The following NAALADL2 variants were observed in gnomAD, a reference collection of about 807,000 sequenced individuals.
NAALADL2 encodes inactive N-acetylated-alpha-linked acidic dipeptidase-like protein 2.
Under a neutral mutation model 87.2 loss-of-function variants are expected in NAALADL2, and 76 were observed. The ratio of observed to expected loss-of-function variants is 0.87; its 90% confidence interval spans 0.72 to 1.05. The LOEUF is 1.05. Ranked by LOEUF, NAALADL2 falls within the 50% of genes least tolerant of loss-of-function variation. NAALADL2 has a pLI of 0.00. For missense variants in NAALADL2, 1,089 were observed against 945.8 expected (o/e 1.15, Z -1.99); for synonymous variants, 354 against 331.0 (o/e 1.07, Z -0.75).
intron 1 of NAALADL2, among the ~76,000 whole-genome samples, chr3:174,909,919 A>G (rs1733478300): frequency 6.6e-6 from 1 of 152,262 alleles, no homozygotes; most frequent in Middle Eastern, 3.4e-3. Context: ...ATTTAACTAC[A>G]CAAGTTAAGT....
intron 1 of NAALADL2, among the ~76,000 whole-genome samples, chr3:174,986,239 A>G (rs1222194216): frequency 1.4e-5 from 2 of 148,000 alleles, no homozygotes; most frequent in Non-Finnish European, 3.0e-5. Context: ...AGATGTGTGT[A>G]TATATATATT....
chr3:175,742,211 C>G (rs943901305), intron 12 of NAALADL2, among the ~76,000 whole-genome samples: 3 of 152,120 alleles, frequency 2.0e-5, no homozygotes, highest in African/African-American at 7.2e-5. Context: ...AGGTATGTAG[C>G]TTGTTTTCAA....
At chr3:175,268,778 G>A (rs1752355425) in intron 4 of NAALADL2, among the ~76,000 whole-genome samples, 1 of 151,960 alleles carries the variant, frequency 6.6e-6, no homozygotes, top group Admixed American at 6.6e-5. Flanking sequence ...CCTACACAGG[G>A]TCTGGATCAG....
At chr3:174,755,145 T>C (rs1191021650) in intron 3 of NAALADL2, among the ~76,000 whole-genome samples, 1 of 152,194 alleles carries the variant, frequency 6.6e-6, no homozygotes, top group Non-Finnish European at 1.5e-5. Context: ...TGAGATCTGA[T>C]GTATTTATAA....
chr3:174,924,331 G>C (rs576176970), intron 1 of NAALADL2, among the ~76,000 whole-genome samples: 2 of 151,078 alleles, frequency 1.3e-5, no homozygotes, highest in African/African-American at 4.9e-5. Context: ...TTGTCCCTGT[G>C]ATAGTTTGCT....
At chr3:174,845,612 G>A (rs7644152) in intron 3 of NAALADL2, among the ~76,000 whole-genome samples, 49,074 of 152,052 alleles carry the variant, frequency 0.32, 8,097 homozygotes, top group East Asian at 0.48. Flanking sequence ...GGCTGGGTGT[G>A]TTCAGGCCAG....
intron 9 of NAALADL2, among the ~76,000 whole-genome samples, chr3:175,566,221 AT>A (rs1034506395): frequency 4.6e-5 from 7 of 152,176 alleles, no homozygotes; most frequent in Non-Finnish European, 7.4e-5. Flanking sequence ...TTCAGAGGGA[AT>A]TTTAAAAATG....
intron 3 of NAALADL2, among the ~76,000 whole-genome samples, chr3:175,247,609 A>G (rs1748222684): frequency 6.6e-6 from 1 of 152,146 alleles, no homozygotes; most frequent in African/African-American, 2.4e-5. Context: ...GAAAGTGGAG[A>G]GTAATAGGCA....
intron 11 of NAALADL2, among the ~76,000 whole-genome samples, chr3:175,697,724 C>A (rs929785643): frequency 2.0e-5 from 3 of 147,842 alleles, no homozygotes; most frequent in Admixed American, 6.8e-5. Flanking sequence ...ATTAAAAAAG[C>A]AAATTTATAT....
intron 10 of NAALADL2, among the ~76,000 whole-genome samples, chr3:175,620,196 T>G (rs1582654633): frequency 6.6e-6 from 1 of 152,186 alleles, no homozygotes; most frequent in Non-Finnish European, 1.5e-5. Context: ...CAGAAATCTC[T>G]GTGGCTGCTG....
intron 2 of NAALADL2, among the ~76,000 whole-genome samples, chr3:174,735,420 G>T (rs1733100500): frequency 6.6e-6 from 1 of 152,134 alleles, no homozygotes; most frequent in African/African-American, 2.4e-5. Context: ...AATTATCCAA[G>T]ACCATACAGG....
At chr3:175,682,683 G>C (rs1735750667) in intron 11 of NAALADL2, among the ~76,000 whole-genome samples, 1 of 151,896 alleles carries the variant, frequency 6.6e-6, no homozygotes, top group Non-Finnish European at 1.5e-5. Flanking sequence ...TTATTTTATA[G>C]TCAGTATTTG....
At chr3:174,922,064 T>G (rs1735307606) in intron 1 of NAALADL2, among the ~76,000 whole-genome samples, 2 of 151,938 alleles carry the variant, frequency 1.3e-5, no homozygotes, top group Admixed American at 1.3e-4. Context: ...CCCAGCAGTT[T>G]GGAGGCCAAG....
intron 12 of NAALADL2, 151 bp from the exon 13 acceptor site, chr3:175,755,069 A>C (rs1747080872): frequency 1.9e-6 from 1 of 535,418 alleles, no homozygotes; most frequent in Non-Finnish European, 3.1e-6. Context: ...GTCAAGTGAC[A>C]AAAAAAAAGA....
intron 2 of NAALADL2, among the ~76,000 whole-genome samples, chr3:174,707,170 A>G (rs572601542): frequency 6.6e-6 from 1 of 152,312 alleles, no homozygotes; most frequent in South Asian, 2.1e-4. Flanking sequence ...GATGTGGAGA[A>G]ATTGGAACAC....
At chr3:174,803,566 C>T (rs773553941) in intron 3 of NAALADL2, among the ~76,000 whole-genome samples, 1 of 151,944 alleles carries the variant, frequency 6.6e-6, no homozygotes, top group Non-Finnish European at 1.5e-5. Context: ...CTGAATGGTA[C>T]TGCCTAGGTT....
intron 2 of NAALADL2, among the ~76,000 whole-genome samples, chr3:174,629,543 T>C (rs1721907923): frequency 6.6e-6 from 1 of 152,224 alleles, no homozygotes; most frequent in South Asian, 2.1e-4. Flanking sequence ...ATAATACATT[T>C]GAAGTTGTAA....
At position 175,712,070 on chromosome 3, in the gene NAALADL2, G is replaced by C. The variant is rs191849024; in HGVS notation, c.1897-25236G>C. Among the ~76,000 whole-genome samples, 8 of 151,950 alleles carry C rather than the reference G, an allele frequency of 5.3e-5. No individual in the cohort carries two copies. The East Asian group carries it at 1.5e-3, about 29-fold the overall frequency. On this transcript the variant is annotated intron_variant, in intron 11 of 13. Coordinates refer to ENST00000454872, the MANE Select transcript of NAALADL2 (RefSeq NM_207015.3). ...ATAATGATAAGTTATATAAGATATT[G>C]TATTGAGATATTATTTAAATTTATA...
intron 2 of NAALADL2, among the ~76,000 whole-genome samples, chr3:174,728,952 A>C (rs1732451968): frequency 6.6e-6 from 1 of 152,122 alleles, no homozygotes; most frequent in East Asian, 1.9e-4. Flanking sequence ...AACTTGACAT[A>C]CAGCACAAAG....
Sources: gnomAD v4.1 joint callset for allele counts (sites outside exome capture counted in the v4.1 genomes callset) on GRCh38, gnomAD v4.1.1 for gene constraint, MANE v1.5 for transcripts, NCBI Gene and HGNC (gene_info 2026-07-23, HGNC 2026-07-21) for gene names.